TAB3: variants seen among roughly 807,000 people sequenced by gnomAD.
The protein encoded by TAB3 is TGF-beta-activated kinase 1 and MAP3K7-binding protein 3.
In TAB3, 18 loss-of-function variants were observed where a neutral mutation model predicts 48.1. That is an observed-to-expected ratio of 0.37 (90% CI 0.26 to 0.55). The LOEUF is 0.55. TAB3 is among the 20% of genes least tolerant of loss of function. TAB3 has a pLI of 0.78. For missense variants in TAB3, 414 were observed against 549.8 expected (o/e 0.75, Z 2.47); for synonymous variants, 185 against 190.2 (o/e 0.97, Z 0.22).
At chrX:30,837,094 G>A (rs989416954) in intron 9 of TAB3, among the ~76,000 whole-genome samples, 2 of 83,645 alleles carry the variant, frequency 2.4e-5, no homozygotes, top group African/African-American at 4.9e-5. Context: ...TGTCACCCAC[G>A]TTGGAGTGCA....
chrX:30,853,650 A>G (rs5972248), intron 6 of TAB3, among the ~76,000 whole-genome samples: 9,348 of 112,367 alleles, frequency 0.083, 921 homozygotes, highest in African/African-American at 0.29. Context: ...AAGTCTATAC[A>G]TGACTCTGAA....
At chrX:30,862,551 C>T (rs182865922) in intron 4 of TAB3, among the ~76,000 whole-genome samples, 10 of 111,503 alleles carry the variant, frequency 9.0e-5, no homozygotes, top group African/African-American at 2.6e-4. Context: ...TGAGAGCGGC[C>T]AGCTCTCACC....
chrX:30,864,801 G>A (rs559204162), intron 4 of TAB3, among the ~76,000 whole-genome samples: 8 of 99,463 alleles, frequency 8.0e-5, no homozygotes, highest in Middle Eastern at 5.2e-3. Flanking sequence ...GTGTGTGTGT[G>A]TGTTTTTTTT....
At chrX:30,863,623 G>A (rs1025991037) in intron 4 of TAB3, among the ~76,000 whole-genome samples, 2 of 112,007 alleles carry the variant, frequency 1.8e-5, no homozygotes, top group African/African-American at 6.5e-5. Flanking sequence ...CATATTACAT[G>A]CCTGCTCTTG....
intron 4 of TAB3, among the ~76,000 whole-genome samples, chrX:30,866,430 G>A (rs1037674254): frequency 1.2e-4 from 13 of 110,230 alleles, no homozygotes; most frequent in African/African-American, 4.3e-4. Flanking sequence ...AGGCCCTGTG[G>A]AGAAATGGAT....
intron 1 of TAB3, among the ~76,000 whole-genome samples, chrX:30,886,439 T>G (rs1940132522): frequency 1.8e-5 from 2 of 111,639 alleles, no homozygotes; most frequent in Non-Finnish European, 3.8e-5. Flanking sequence ...ATAACTATAT[T>G]TAAAAACTTA....
chrX:30,865,084 TA>T (rs1939366238), intron 4 of TAB3, among the ~76,000 whole-genome samples: 1 of 111,854 alleles, frequency 8.9e-6, no homozygotes, highest in East Asian at 2.8e-4. Context: ...GATACAATGG[TA>T]AGTATCAGTG....
rs367688080 is a variant in TAB3, at chrX:30,869,364, G to A, written c.-279-1815C>T. Among the ~76,000 whole-genome samples the A allele has an allele frequency of 1.5e-3, 172 of 111,446 alleles. 4 individuals carry two copies. The South Asian group carries it at 0.056, about 36-fold the overall frequency. On this transcript the variant is annotated intron_variant, in intron 2 of 10. Transcript: ENST00000288422. ...TGTGAGCCACTGCGCCCAGCCTTTT[G>A]TTTGTTTTTTGCCATCCCACATTTA... is the stretch of plus-strand genomic sequence containing the variant.
At chrX:30,873,266 G>A (rs1043443658) in intron 1 of TAB3, among the ~76,000 whole-genome samples, 63 of 111,014 alleles carry the variant, frequency 5.7e-4, no homozygotes, top group Non-Finnish European at 9.5e-4. Flanking sequence ...GGCCGGGCGC[G>A]GTGGCTCACG....
chrX:30,836,608 CA>C (rs1260191382), intron 9 of TAB3: 2 of 111,759 alleles, frequency 1.8e-5, no homozygotes. Context: ...TTTGGGAGGC[CA>C]AGGCAGCAGG....
intron 2 of TAB3, among the ~76,000 whole-genome samples, chrX:30,868,305 ATATATATAGCT>A (rs1377491020): frequency 0.046 from 273 of 5,882 alleles, 73 homozygotes; most frequent in African/African-American, 0.36. Context: ...AAAGCTATAT[ATATATATAGCT>A]TATATATATA....
intron 1 of TAB3, among the ~76,000 whole-genome samples, chrX:30,879,841 T>C (rs1440138080): frequency 9.0e-6 from 1 of 111,670 alleles, no homozygotes; most frequent in Non-Finnish European, 1.9e-5. Flanking sequence ...AAAGATCAAA[T>C]ACATACTCTA....
intron 1 of TAB3, among the ~76,000 whole-genome samples, chrX:30,888,224 T>C (rs1010634871): frequency 6.2e-5 from 7 of 112,866 alleles, no homozygotes; most frequent in African/African-American, 2.3e-4. Flanking sequence ...CCTTTTCTCA[T>C]TCATTCTTGT....
intron 8 of TAB3, chrX:30,843,889 A>G (rs1046113378): frequency 1.8e-5 from 2 of 111,354 alleles, no homozygotes; most frequent in African/African-American, 3.3e-5. Context: ...AAACGATTAC[A>G]GTTAACTGTA....
At position 30,862,197 on chromosome X, in the gene TAB3, G is replaced by A. The variant is rs772450668; in HGVS notation, c.-90-2519C>T. Among the ~76,000 whole-genome samples the A allele has an allele frequency of 3.6e-5, 4 of 112,258 alleles. No individual in the cohort carries two copies. The Admixed American group carries it at 3.8e-4, about 11-fold the overall frequency. ...ATTCACTGAATTTAATGGTAGGGAT[G>A]ACCTTAACTAATCAAATCGGCTTGT... On this transcript the variant is annotated intron_variant, in intron 4 of 10. Transcript: ENST00000288422.
chrX:30,859,601 G>C lies in TAB3; in HGVS notation c.-13C>G, dbSNP rs778661957. On this transcript the variant is annotated 5_prime_UTR_variant, in exon 5 of 11. Coordinates refer to ENST00000288422, the MANE Select transcript of TAB3 (RefSeq NM_152787.5). ...TGCTTTGCGCCATGCCAGAGCAAAT[G>C]GTGGCCAAGTTTCTCTTAGGAAATG... 3 of 1,160,773 alleles carry C rather than the reference G, an allele frequency of 2.6e-6. No individual in the cohort carries two copies. Among genetic ancestry groups the C allele is most frequent in the Admixed American group, 4.5e-5 (2 of 44,905 alleles).
intron 8 of TAB3, chrX:30,845,049 T>G (rs1239292482): frequency 8.9e-6 from 1 of 112,640 alleles, no homozygotes; most frequent in East Asian, 2.8e-4. Context: ...GGTCTCTAAC[T>G]CTTAGGCTCA....
rs762543487 is a variant in TAB3 at position 30,852,942 on chromosome X, C to T, written c.1550-4G>A. The T allele has an allele frequency of 1.5e-4, 182 of 1,208,071 alleles. 1 individual carries two copies. The East Asian group carries it at 5.1e-3, about 34-fold the overall frequency. ...GCTCGTTGATGTAACAGCAAGGCTACAGCATTATAGATAATGTCATTGCAG... is the reference window on the plus strand; with the variant it reads ...GCTCGTTGATGTAACAGCAAGGCTATAGCATTATAGATAATGTCATTGCAG... On this transcript the variant is annotated splice_polypyrimidine_tract_variant and splice_region_variant and intron_variant, in intron 6 of 10. Transcript: ENST00000288422.
At chrX:30,863,836 C>T (rs150051149) in intron 4 of TAB3, among the ~76,000 whole-genome samples, 1 of 112,050 alleles carries the variant, frequency 8.9e-6, no homozygotes, top group African/African-American at 3.2e-5. Context: ...CAAAGTTTTA[C>T]AGTAAAGTAT....
Sources: gnomAD v4.1 joint callset for allele counts (sites outside exome capture counted in the v4.1 genomes callset) on GRCh38, gnomAD v4.1.1 for gene constraint, MANE v1.5 for transcripts, NCBI Gene and HGNC (gene_info 2026-07-23, HGNC 2026-07-21) for gene names.